Variants in ATXN7L1 observed in about 807,000 individuals in gnomAD.
ATXN7L1 encodes ataxin-7-like protein 1.
Under a neutral mutation model 70.8 loss-of-function variants are expected in ATXN7L1, and 15 were observed. The observed-to-expected ratio is 0.21, with a 90% CI of 0.14 to 0.33. The LOEUF is 0.33. Ranked by LOEUF, ATXN7L1 falls within the 10% of genes least tolerant of loss-of-function variation. ATXN7L1 has a pLI of 1.00. For missense variants in ATXN7L1, 975 were observed against 1,097.1 expected (o/e 0.89, Z 1.57); for synonymous variants, 440 against 445.1 (o/e 0.99, Z 0.14).
At chr7:105,616,445 G>A (rs1793902645) in intron 9 of ATXN7L1, among the ~76,000 whole-genome samples, 1 of 152,284 alleles carries the variant, frequency 6.6e-6, no homozygotes, top group African/African-American at 2.4e-5. Flanking sequence ...CCTTGAAAAC[G>A]TCAGACCAAA....
At chr7:105,715,671 A>G (rs578087958) in intron 3 of ATXN7L1, among the ~76,000 whole-genome samples, 1 of 152,360 alleles carries the variant, frequency 6.6e-6, no homozygotes, top group Admixed American at 6.5e-5. Context: ...GGAAATTCAC[A>G]TTTAAGCAAT....
chr7:105,872,545 G>A (rs575262915), intron 2 of ATXN7L1, among the ~76,000 whole-genome samples: 88 of 152,268 alleles, frequency 5.8e-4, no homozygotes, highest in African/African-American at 1.9e-3. Flanking sequence ...GAAGAGATGC[G>A]AAGTGAAATA....
At chr7:105,830,680 A>G (rs1811479692) in intron 2 of ATXN7L1, among the ~76,000 whole-genome samples, 3 of 152,164 alleles carry the variant, frequency 2.0e-5, no homozygotes, top group African/African-American at 7.2e-5. Flanking sequence ...AAATCAACAA[A>G]TCTCTCTCTT....
chr7:105,751,909 T>C (rs1799262118), intron 3 of ATXN7L1, among the ~76,000 whole-genome samples: 2 of 152,232 alleles, frequency 1.3e-5, no homozygotes, highest in Non-Finnish European at 2.9e-5. Context: ...CCTCCTTCGG[T>C]AGATAGCAAT....
At chr7:105,759,738 T>G (rs1800304518) in intron 3 of ATXN7L1, among the ~76,000 whole-genome samples, 2 of 152,192 alleles carry the variant, frequency 1.3e-5, no homozygotes, top group African/African-American at 4.8e-5. Flanking sequence ...TAGGCCTTAT[T>G]AAAATAAATG....
intron 7 of ATXN7L1, among the ~76,000 whole-genome samples, chr7:105,636,650 T>C (rs1196706082): frequency 2.0e-5 from 3 of 152,252 alleles, no homozygotes; most frequent in African/African-American, 7.2e-5. Context: ...CTCCCTTCTT[T>C]CTCTGTTAGG....
intron 3 of ATXN7L1, among the ~76,000 whole-genome samples, chr7:105,696,127 C>T (rs1189363925): frequency 1.3e-5 from 2 of 152,128 alleles, no homozygotes; most frequent in Admixed American, 6.5e-5. Context: ...AACATACACC[C>T]GAAGGTCAGG....
intron 3 of ATXN7L1, among the ~76,000 whole-genome samples, chr7:105,733,610 C>T (rs1419210215): frequency 3.3e-5 from 3 of 89,704 alleles, no homozygotes; most frequent in Admixed American, 1.1e-4. Flanking sequence ...ATCCACCCAT[C>T]CATCCATCCA....
chr7:105,774,877 G>A (rs1014244208), intron 3 of ATXN7L1, among the ~76,000 whole-genome samples: 9 of 152,004 alleles, frequency 5.9e-5, no homozygotes, highest in Admixed American at 1.3e-4. Context: ...AGAAGGCTTC[G>A]GAATTTGAGA....
At chr7:105,763,868 T>G (rs556793053) in intron 3 of ATXN7L1, among the ~76,000 whole-genome samples, 111 of 152,242 alleles carry the variant, frequency 7.3e-4, no homozygotes, top group African/African-American at 2.6e-3. Context: ...TGTTTGCTTT[T>G]TTTGAGATGG....
At chr7:105,744,060 C>A (rs185377020) in intron 3 of ATXN7L1, among the ~76,000 whole-genome samples, 1 of 152,144 alleles carries the variant, frequency 6.6e-6, no homozygotes, top group South Asian at 2.1e-4. Context: ...AGTTCTCTCT[C>A]TAAATGGCTG....
At chr7:105,722,653 C>T (rs909360844) in intron 3 of ATXN7L1, among the ~76,000 whole-genome samples, 12 of 122,434 alleles carry the variant, frequency 9.8e-5, no homozygotes, top group African/African-American at 2.9e-4. Flanking sequence ...CTGAGGTGGG[C>T]GAATTGCCTG....
At chr7:105,636,637 C>T (rs1797430370) in intron 7 of ATXN7L1, among the ~76,000 whole-genome samples, 1 of 152,156 alleles carries the variant, frequency 6.6e-6, no homozygotes, top group African/African-American at 2.4e-5. Context: ...TCTTTAATGG[C>T]TGCTCCCTTC....
chr7:105,746,204 A>C (rs1221384949), intron 3 of ATXN7L1, among the ~76,000 whole-genome samples: 1 of 152,096 alleles, frequency 6.6e-6, no homozygotes, highest in Non-Finnish European at 1.5e-5. Flanking sequence ...TTTTACAAGC[A>C]CCTTGTGACG....
chr7:105,632,380 C>T lies in ATXN7L1; in HGVS notation c.1202+5973G>A, dbSNP rs904496192. On this transcript the variant is annotated intron_variant, in intron 7 of 11. Transcript: ENST00000419735. ...AAAGCATCATAAATGATTTAAAATA[C>T]CATTTTTGAAGATACAGTCAAAGAA... Among the ~76,000 whole-genome samples, 3 of 152,048 alleles carry T rather than the reference C, an allele frequency of 2.0e-5. 1 individual carries two copies. Among genetic ancestry groups the T allele is most frequent in the Admixed American group, 1.3e-4 (2 of 15,248 alleles).
intron 4 of ATXN7L1, among the ~76,000 whole-genome samples, chr7:105,647,644 TCAAAAACAAACAAACAG>T (rs1253046947): frequency 6.6e-6 from 1 of 152,200 alleles, no homozygotes. Flanking sequence ...AGACTCCGTC[TCAAAAACAAACAAACAG>T]CAAAAACAAG....
intron 10 of ATXN7L1, chr7:105,613,606 C>A: frequency 1.5e-6 from 2 of 1,376,066 alleles, no homozygotes; most frequent in South Asian, 1.5e-5. Context: ...GCACTCACTG[C>A]ACTGGGGTGT....
intron 3 of ATXN7L1, among the ~76,000 whole-genome samples, chr7:105,754,686 C>T (rs1219466208): frequency 6.6e-6 from 1 of 152,150 alleles, no homozygotes; most frequent in Non-Finnish European, 1.5e-5. Flanking sequence ...TCTTGAATTC[C>T]TGGCTTCAAG....
intron 2 of ATXN7L1, among the ~76,000 whole-genome samples, chr7:105,859,981 C>T (rs1269118416): frequency 5.3e-5 from 8 of 149,960 alleles, no homozygotes; most frequent in Non-Finnish European, 1.5e-5. Context: ...TGGGGTTTCA[C>T]CATGTTGGCC....
Sources: gnomAD v4.1 joint callset for allele counts (sites outside exome capture counted in the v4.1 genomes callset) on GRCh38, gnomAD v4.1.1 for gene constraint, MANE v1.5 for transcripts, NCBI Gene and HGNC (gene_info 2026-07-23, HGNC 2026-07-21) for gene names.